Variants in CIITA observed in about 807,000 individuals in gnomAD.
The protein encoded by CIITA is MHC class II transactivator.
In CIITA, 72 loss-of-function variants were observed where a neutral mutation model predicts 115.1. The observed-to-expected ratio is 0.63, with a 90% CI of 0.52 to 0.76. The LOEUF is 0.76. Ranked by LOEUF, CIITA falls within the 30% of genes least tolerant of loss-of-function variation. The pLI, the probability that CIITA is intolerant of heterozygous loss-of-function variation, is 0.00. For synonymous variants in CIITA, 763 were observed against 635.6 expected (o/e 1.20, Z -3.02); for missense variants, 1,617 against 1,463.8 (o/e 1.10, Z -1.71).
chr16:10,929,274 G>A lies in CIITA; in HGVS notation c.*5419G>A, dbSNP rs932037058. 4 of 985,938 alleles carry A rather than the reference G, an allele frequency of 4.1e-6. No individual in the cohort carries two copies. Among genetic ancestry groups the A allele is most frequent in the Non-Finnish European group, 4.8e-6 (4 of 829,980 alleles). The allele number at this position is 985,938 out of a possible 1,614,324, so 61.1% of individuals were successfully genotyped here. ...GTCCGCAGTTTGAAGTGTCCTCTCC[G>A]AAGGTGAAGTGGGGGAAGCAGGTGC... On this transcript the variant is annotated 3_prime_UTR_variant, in exon 20 of 20. Coordinates refer to ENST00000324288, the MANE Select transcript of CIITA (RefSeq NM_000246.4). The surrounding 1 kb of genome is among the most constrained non-coding windows in gnomAD (Gnocchi z 4.3).
At position 10,920,499 on chromosome 16, in the gene CIITA, A is replaced by T. The variant is rs1186410649; in HGVS notation, c.3150-1668A>T. Among the ~76,000 whole-genome samples the T allele has an allele frequency of 6.6e-6, 1 of 152,198 alleles. No homozygotes were observed. Among genetic ancestry groups the T allele is most frequent in the East Asian group, 1.9e-4 (1 of 5,198 alleles). On this transcript the variant is annotated intron_variant, in intron 16 of 19. Coordinates refer to ENST00000324288, the MANE Select transcript of CIITA (RefSeq NM_000246.4). This position sits in a 1 kb window ranked among gnomAD's most constrained non-coding sequence, Gnocchi z 4.5. ...TGGGCCCAAGCGATCCACCCACCTC[A>T]GCCTTCCAAAGTGCTGGGATTACGG...
Position 10,879,249 on chromosome 16 carries a change from G to C in CIITA, c.52+1867G>C, listed in dbSNP as rs2036160588. 6.6e-6 allele frequency among the ~76,000 whole-genome samples: 1 copy of C among 152,184 alleles called. No homozygotes were observed. Among genetic ancestry groups the C allele is most frequent in the African/African-American group, 2.4e-5 (1 of 41,446 alleles). On this transcript the variant is annotated intron_variant, in intron 1 of 19. Coordinates refer to ENST00000324288, the MANE Select transcript of CIITA (RefSeq NM_000246.4). The surrounding 1 kb of genome is among the most constrained non-coding windows in gnomAD (Gnocchi z 4.3). ...ACCAGGAGCCGGGAACCCGGAGCTT[G>C]GCTTGCTGTGCCCAGAGCTCCGGGG...
intron 5 of CIITA, among the ~76,000 whole-genome samples, chr16:10,900,236 A>C (rs1468597475): frequency 1.3e-5 from 2 of 152,042 alleles, no homozygotes; most frequent in Non-Finnish European, 2.9e-5. Flanking sequence ...ATTTGCTTTA[A>C]TTTTCCATGC....
At chr16:10,922,827 C>T in intron 18 of CIITA, 3 of 512,784 alleles carry the variant, frequency 5.9e-6, no homozygotes, top group Non-Finnish European at 1.1e-5. Flanking sequence ...TTGGCAATTT[C>T]ATATGGTTCA....
At chr16:10,895,848 G>A in intron 3 of CIITA, 84 bp downstream of exon 3, 1 of 1,309,372 alleles carries the variant, frequency 7.6e-7, no homozygotes, top group Non-Finnish European at 1.1e-6. Context: ...CATTCATCAT[G>A]AGCCACGTCA....
intron 1 of CIITA, among the ~76,000 whole-genome samples, chr16:10,882,753 C>T (rs777278445): frequency 2.0e-5 from 3 of 152,012 alleles, no homozygotes; most frequent in Non-Finnish European, 2.9e-5. Context: ...CAAAATTAGC[C>T]GGGTGTAGTG....
intron 15 of CIITA, chr16:10,916,683 G>A (rs531607718): frequency 1.9e-5 from 11 of 571,500 alleles, no homozygotes; most frequent in Admixed American, 1.1e-4. Context: ...GACTTACCAT[G>A]CCCAGCCCCA....
chr16:10,868,007 C>T (rs1440579246), intron 1 of CIITA, among the ~76,000 whole-genome samples: 2 of 152,124 alleles, frequency 1.3e-5, no homozygotes, highest in Non-Finnish European at 2.9e-5. Context: ...AGCGATCCTC[C>T]CACCTTGGCC....
Position 10,904,809 on chromosome 16 carries a change from C to T in CIITA, c.1003C>T (p.Pro335Ser), listed in dbSNP as rs780459749. Residue 335 changes from proline (P) to serine (S), a missense_variant, in exon 10 of 20, where the codon CCT (proline) becomes TCT (serine). Coordinates refer to ENST00000324288, the MANE Select transcript of CIITA (RefSeq NM_000246.4). Reference protein sequence around the residue: ...GEVSNKLPKWPEPVEQFYRSL... With the variant: ...GEVSNKLPKWSEPVEQFYRSL... Reference sequence around the variant, plus strand: ...GGTCTCCAACAAGCTTCCAAAATGGCCTGGTGAGTGATGCGGGATCTCTCT... The same window carrying T: ...GGTCTCCAACAAGCTTCCAAAATGGTCTGGTGAGTGATGCGGGATCTCTCT... 6.2e-6 allele frequency: 10 copies of T among 1,614,020 alleles called. No homozygotes were observed. The African/African-American group carries it at 1.2e-4, about 19-fold the overall frequency.
Position 10,879,015 on chromosome 16 carries a change from AGC to A in CIITA, c.52+1641_52+1642del, listed in dbSNP as rs1263557651. 2 of 218,916 alleles carry A rather than the reference AGC, an allele frequency of 9.1e-6. No homozygotes were observed. The highest frequency in any genetic ancestry group is 2.3e-5 in the African/African-American group (1 of 44,428). The allele number at this position is 218,916 out of a possible 1,614,324, so 13.6% of individuals were successfully genotyped here. ...CTGGCGGGAGGGAGAGGCCACCAGC[AGC>A]GCGCGCGGGAGCCCGGGGAACAGCG... On this transcript the variant is annotated intron_variant, in intron 1 of 19. Transcript: ENST00000324288. This position sits in a 1 kb window ranked among gnomAD's most constrained non-coding sequence, Gnocchi z 4.3.
At position 10,926,017 on chromosome 16, in the gene CIITA, C is replaced by A. The variant is rs2040517987; in HGVS notation, c.*2162C>A. 6.6e-6 allele frequency: 1 copy of A among 152,230 alleles called. No individual in the cohort carries two copies. Among genetic ancestry groups the A allele is most frequent in the Admixed American group, 6.5e-5 (1 of 15,288 alleles). The allele number at this position is 152,230 out of a possible 1,614,324, so 9.4% of individuals were successfully genotyped here. A position where few individuals can be genotyped will look rare whatever the true frequency, so the allele number is the denominator to read the frequency against. Reference sequence around the variant, plus strand: ...CTGCCGGCACGACTGTTGCTTTTCACTCGGGCATAGTCTGCTCAGAAGCCC... The same window carrying A: ...CTGCCGGCACGACTGTTGCTTTTCAATCGGGCATAGTCTGCTCAGAAGCCC... On this transcript the variant is annotated 3_prime_UTR_variant, in exon 20 of 20. Coordinates refer to ENST00000324288, the MANE Select transcript of CIITA (RefSeq NM_000246.4).
intron 12 of CIITA, 74 bp downstream of exon 12, chr16:10,909,261 G>C: frequency 6.6e-7 from 1 of 1,519,320 alleles, no homozygotes; most frequent in Non-Finnish European, 9.1e-7. Context: ...TCTCAAGTTT[G>C]TCATGGGCAT....
In CIITA at chr16:10,925,863, A is replaced by G. The variant is rs2040511384; in HGVS notation, c.*2008A>G. 1 of 152,218 alleles carries G rather than the reference A, an allele frequency of 6.6e-6. No homozygotes were observed. Among genetic ancestry groups the G allele is most frequent in the Admixed American group, 6.5e-5 (1 of 15,284 alleles). 9.4% of individuals were successfully genotyped at this position (152,218 alleles called of 1,614,324 possible). A position where few individuals can be genotyped will look rare whatever the true frequency, so the allele number is the denominator to read the frequency against. On this transcript the variant is annotated 3_prime_UTR_variant, in exon 20 of 20. Transcript: ENST00000324288. ...GAAGCACCAAAAGCTTACCAAGGGG[A>G]ATGTTTGCCTCTGCCTCTGACACAC...
At position 10,910,251 on chromosome 16, in the gene CIITA, G is replaced by T; in HGVS notation, c.2880G>T (p.Leu960=). 2 of 1,613,958 alleles carry T rather than the reference G, an allele frequency of 1.2e-6. No individual in the cohort carries two copies. The highest frequency in any genetic ancestry group is 2.2e-5 in the South Asian group (2 of 91,036). The change falls in exon 13 of 20, where the codon CTG becomes CTT. Residue 960 remains leucine, a synonymous_variant. Transcript: ENST00000324288. ...ELPAVRDLKK[L]EFALGPVSGP... is the part of the protein sequence containing the mutation. ...CTGCTGTTCGGGACCTAAAGAAACT[G>T]GAGTTTGCGTAAGCAAAGGGGTGGA...
chr16:10,923,349 G>A lies in CIITA; in HGVS notation c.*22+24G>A. On this transcript the variant is annotated intron_variant, in intron 19 of 19. Coordinates refer to ENST00000324288, the MANE Select transcript of CIITA (RefSeq NM_000246.4). This position sits in a 1 kb window ranked among gnomAD's most constrained non-coding sequence, Gnocchi z 5.2. ...GGGTAACCAGGGTGGGCTTGGGAGG[G>A]GAGAGCCGCAGTGGGTTGGGGGCAG... 6.7e-7 allele frequency: 1 copy of A among 1,500,668 alleles called. No individual in the cohort carries two copies. Among genetic ancestry groups the A allele is most frequent in the Non-Finnish European group, 9.3e-7 (1 of 1,078,672 alleles). 93.0% of individuals were successfully genotyped at this position (1,500,668 alleles called of 1,614,324 possible).
At chr16:10,897,513 C>T (rs962284601) in intron 3 of CIITA, among the ~76,000 whole-genome samples, 4 of 152,196 alleles carry the variant, frequency 2.6e-5, no homozygotes, top group Admixed American at 1.3e-4. Context: ...CAAACATTCA[C>T]GTCATAACAG....
In CIITA at chr16:10,929,247, G is replaced by T. The variant is rs977268740; in HGVS notation, c.*5392G>T. The T allele has an allele frequency of 9.1e-6, 9 of 985,818 alleles. No individual in the cohort carries two copies. The African/African-American group carries it at 1.6e-4, about 17-fold the overall frequency. The allele number at this position is 985,818 out of a possible 1,614,324, so 61.1% of individuals were successfully genotyped here. On this transcript the variant is annotated 3_prime_UTR_variant, in exon 20 of 20. Coordinates refer to ENST00000324288, the MANE Select transcript of CIITA (RefSeq NM_000246.4). The surrounding 1 kb of genome is among the most constrained non-coding windows in gnomAD (Gnocchi z 4.3). ...ACGGAGCTGGGAGTCGCTTTTGCGT[G>T]TGTCCGCAGTTTGAAGTGTCCTCTC...
At chr16:10,891,158 C>T (rs1186339907) in intron 1 of CIITA, among the ~76,000 whole-genome samples, 1 of 152,146 alleles carries the variant, frequency 6.6e-6, no homozygotes, top group Non-Finnish European at 1.5e-5. Context: ...TCCCACCATC[C>T]CCCATCTGTG....
intron 7 of CIITA, 30 bp from the exon 8 acceptor site, chr16:10,902,628 A>T (rs1349500596): frequency 6.2e-7 from 1 of 1,614,146 alleles, no homozygotes; most frequent in East Asian, 2.2e-5. Flanking sequence ...GCTATGCAAG[A>T]TCCCACCTCA....
Sources: allele counts gnomAD v4.1 joint callset (sites outside exome capture counted in the v4.1 genomes callset), GRCh38; gene constraint gnomAD v4.1.1; non-coding constraint Gnocchi (gnomAD v3.1); transcripts MANE v1.5; gene names NCBI Gene and HGNC (gene_info 2026-07-23, HGNC 2026-07-21).